Variants in TJP1 observed in about 807,000 individuals in gnomAD.
TJP1 encodes tight junction protein 1.
TJP1 carries 43 observed loss-of-function variants against 194.2 expected under a neutral mutation model. The ratio of observed to expected loss-of-function variants is 0.22; its 90% CI spans 0.17 to 0.29. The LOEUF (loss-of-function observed/expected upper bound fraction) is 0.29. Among genes scored for constraint, TJP1 ranks in the 10% least tolerant of loss-of-function variants. TJP1 has a pLI of 1.00. For missense variants in TJP1, 1,971 were observed against 2,185.7 expected, an observed-to-expected ratio of 0.90 and a Z score of 1.96; for synonymous variants, 801 against 779.0, an observed-to-expected ratio of 1.03 and a Z score of -0.47.
intron 2 of TJP1, among the ~76,000 whole-genome samples, chr15:29,881,630 C>A (rs2052934379): frequency 1.3e-5 from 2 of 152,072 alleles, no homozygotes; most frequent in African/African-American, 4.8e-5. Flanking sequence ...AAATTTTATC[C>A]AATTAATGTT....
At chr15:29,822,531 C>T (rs2050481958), upstream of TJP1, 3 of 970,322 alleles carry the variant, frequency 3.1e-6, no homozygotes, top group East Asian at 1.2e-4. Flanking sequence ...CTGGACGAGG[C>T]GAGGCGAGGC....
intron 8 of TJP1, chr15:29,759,025 T>C (rs2045827299): frequency 6.6e-6 from 1 of 152,188 alleles, no homozygotes; most frequent in Non-Finnish European, 1.5e-5. Context: ...CTAGTTCCCA[T>C]TTTAGTAGAA....
chr15:29,880,978 C>T (rs1013037333), intron 2 of TJP1, among the ~76,000 whole-genome samples: 3 of 152,138 alleles, frequency 2.0e-5, no homozygotes, highest in Non-Finnish European at 2.9e-5. Flanking sequence ...ATTGCTAGAT[C>T]GTGTAATTCT....
Position 29,733,137 on chromosome 15 carries a change from T to A in TJP1, c.1693A>T (p.Asn565Tyr), listed in dbSNP as rs748600045. 3 of 1,614,084 alleles carry A rather than the reference T, an allele frequency of 1.9e-6. No individual in the cohort carries two copies. The South Asian group carries it at 3.3e-5, about 18-fold the overall frequency. ...GSWLAIRIGKNHKEVERGIIP... is the reference protein window; with the variant it reads ...GSWLAIRIGKYHKEVERGIIP... ...ATGCCTCGTTCTACCTCCTTATGAT[T>A]TTTACCAATTCGAATAGCAAGCCAA... The change falls in exon 13 of 28, where the codon AAT (asparagine) becomes TAT (tyrosine). Residue 565 changes from asparagine (N) to tyrosine (Y), a missense_variant. Physicochemically the swap from Asn to Tyr is moderately radical, Grantham distance 143 (BLOSUM62 -2). Coordinates refer to ENST00000614355, the MANE Select transcript of TJP1 (RefSeq NM_001330239.4).
intron 1 of TJP1, among the ~76,000 whole-genome samples, chr15:29,802,109 T>C (rs1009798400): frequency 1.3e-5 from 2 of 152,106 alleles, no homozygotes; most frequent in Non-Finnish European, 2.9e-5. Flanking sequence ...AAACTGGGAC[T>C]CCTAAAATGT....
In TJP1 at chr15:29,705,740, G is replaced by A. The variant is rs771888075; in HGVS notation, c.4856C>T (p.Ser1619Leu). The part of the protein sequence containing the change: ...TVPKAIPVSP[S>L]AVEEDEDEDG... ...TTCATCTTCATCCTCTTCCACAGCT[G>A]AAGGACTGAAAGTTCAGAAATGGCT... The change falls in exon 26 of 28, where the codon TCA becomes TTA. Residue 1619 changes from serine (S) to leucine (L), a missense_variant. Around this residue, in one of 5 missense-constraint regions of TJP1, gnomAD observed 1,108 missense variants for 1,128.5 expected, o/e 0.98. Coordinates refer to ENST00000614355, the MANE Select transcript of TJP1 (RefSeq NM_001330239.4). 1 of 1,614,054 alleles carries A rather than the reference G, an allele frequency of 6.2e-7. No individual in the cohort carries two copies. Among genetic ancestry groups the A allele is most frequent in the African/African-American group, 1.3e-5 (1 of 75,036 alleles).
intron 2 of TJP1, among the ~76,000 whole-genome samples, chr15:29,921,945 G>A (rs2054377563): frequency 3.3e-5 from 5 of 151,338 alleles, no homozygotes; most frequent in Admixed American, 3.3e-4. Flanking sequence ...CCTGGGTTCA[G>A]GTGATTCTCC....
intron 10 of TJP1, among the ~76,000 whole-genome samples, chr15:29,738,528 T>A (rs1214251885): frequency 6.6e-6 from 1 of 152,056 alleles, no homozygotes; most frequent in Non-Finnish European, 1.5e-5. Context: ...GTCATAAAAG[T>A]AAGAGCCTGA....
upstream of TJP1, among the ~76,000 whole-genome samples, chr15:29,827,349 G>A (rs1003589781): frequency 6.6e-6 from 1 of 152,188 alleles, no homozygotes; most frequent in Non-Finnish European, 1.5e-5. Flanking sequence ...ATCAGGCCCA[G>A]CACACATTAG....
chr15:29,918,477 G>A (rs1206723091), intron 2 of TJP1, among the ~76,000 whole-genome samples: 3 of 152,196 alleles, frequency 2.0e-5, no homozygotes, highest in Non-Finnish European at 4.4e-5. Flanking sequence ...ACTCACGCCT[G>A]TAATCCGAGT....
chr15:29,750,714 G>A (rs570452252), intron 8 of TJP1, among the ~76,000 whole-genome samples: 3 of 152,186 alleles, frequency 2.0e-5, no homozygotes, highest in South Asian at 2.1e-4. Context: ...ATTCACTCTA[G>A]TAGAATATCC....
chr15:29,709,255 G>C (rs1465383322), intron 24 of TJP1, among the ~76,000 whole-genome samples: 1 of 152,106 alleles, frequency 6.6e-6, no homozygotes, highest in East Asian at 1.9e-4. Context: ...CCTGGAGTCA[G>C]GGTCCAGCTG....
rs568131448 is a variant in TJP1 at position 29,791,287 on chromosome 15, A to G, written c.84+9359T>C. ...GGTGATCCGCTCACCTTGCCCTCCC[A>G]AAGTGCTGGGATTACAGGCATGAGC... On this transcript the variant is annotated intron_variant, in intron 2 of 27. Transcript: ENST00000614355. Among the ~76,000 whole-genome samples, 11 of 151,938 alleles carry G rather than the reference A, an allele frequency of 7.2e-5. No individual in the cohort carries two copies. The East Asian group carries it at 2.1e-3, about 29-fold the overall frequency.
intron 2 of TJP1, among the ~76,000 whole-genome samples, chr15:29,838,612 C>CTGTG (rs34137363): frequency 2.1e-4 from 32 of 150,110 alleles, no homozygotes; most frequent in African/African-American, 7.3e-4. Context: ...CTCTGTGTGT[C>CTGTG]TGTGTGTGTG....
chr15:29,945,776 AACACAC>A (rs371167321), intron 2 of TJP1, among the ~76,000 whole-genome samples: 30,740 of 150,066 alleles, frequency 0.2, 3,505 homozygotes, highest in East Asian at 0.49. Flanking sequence ...AAGGCTATTA[AACACAC>A]ACACACACAC....
At chr15:29,818,160 C>T (rs777253112) in intron 1 of TJP1, among the ~76,000 whole-genome samples, 3 of 152,098 alleles carry the variant, frequency 2.0e-5, no homozygotes, top group Admixed American at 1.3e-4. Context: ...ACTACTATTC[C>T]CGAGACTTAA....
intron 27 of TJP1, 57 bp from the exon 28 acceptor site, chr15:29,701,746 G>A (rs2041556207): frequency 7.6e-7 from 1 of 1,318,330 alleles, no homozygotes; most frequent in Non-Finnish European, 1.1e-6. Flanking sequence ...TATCCGTAAT[G>A]CTTTGCAATT....
At chr15:29,947,782 T>A (rs186305281) in intron 2 of TJP1, among the ~76,000 whole-genome samples, 182 of 152,170 alleles carry the variant, frequency 1.2e-3, no homozygotes, top group African/African-American at 4.1e-3. Flanking sequence ...ATACAGCATG[T>A]GAGGGCAGAG....
At chr15:29,942,300 G>A (rs2055108254) in intron 2 of TJP1, among the ~76,000 whole-genome samples, 2 of 152,172 alleles carry the variant, frequency 1.3e-5, no homozygotes, top group Admixed American at 1.3e-4. Context: ...AACTGGAATG[G>A]AGACAAAATA....
Sources: gnomAD v4.1 joint callset for allele counts (sites outside exome capture counted in the v4.1 genomes callset) on GRCh38, gnomAD v4.1.1 for gene constraint, gnomAD v4.1.1 regional missense constraint, MANE v1.5 for transcripts, NCBI Gene and HGNC (gene_info 2026-07-23, HGNC 2026-07-21) for gene names.